The following DIRAS2 variants were observed in gnomAD, a reference collection of about 807,000 sequenced individuals.
DIRAS2 encodes the protein GTP-binding protein Di-Ras2.
A neutral mutation model predicts 13.9 loss-of-function variants in DIRAS2; 5 were observed. That is an observed-to-expected ratio of 0.36 (90% CI 0.19 to 0.76). The LOEUF is 0.76. Ranked by LOEUF, DIRAS2 falls within the 30% of genes least tolerant of loss-of-function variation. The probability of loss-of-function intolerance (pLI) is 0.53; values close to 1 mark genes in which losing one functional copy is unlikely to be tolerated. For missense variants in DIRAS2, 191 were observed against 263.0 expected (o/e 0.73, Z 1.89); for synonymous variants, 111 against 105.4 (o/e 1.05, Z -0.33).
rs147331724 is a variant in DIRAS2 at position 90,620,734 on chromosome 9, G to T, written c.-36-6871C>A. ...AGCCTCTCTGACAGAGTGAGACTCC[G>T]CTGTCTCAAAAAAAAAAAGAAAGGA... On this transcript the variant is annotated intron_variant, in intron 1 of 1. Transcript: ENST00000375765. 3.3e-5 allele frequency among the ~76,000 whole-genome samples: 5 copies of T among 149,930 alleles called. No individual in the cohort carries two copies. The East Asian group carries it at 9.8e-4, about 29-fold the overall frequency.
intron 1 of DIRAS2, among the ~76,000 whole-genome samples, chr9:90,632,584 T>TA (rs1186313249): frequency 2.6e-5 from 4 of 152,220 alleles, no homozygotes; most frequent in Admixed American, 1.3e-4. Flanking sequence ...TTTCCTTTTT[T>TA]AAAAAATTTG....
chr9:90,638,992 G>A (rs1312270659), intron 1 of DIRAS2, among the ~76,000 whole-genome samples: 5 of 152,154 alleles, frequency 3.3e-5, no homozygotes, highest in African/African-American at 9.7e-5. Flanking sequence ...GAGGAAGGGC[G>A]TGTGTGTGTT....
chr9:90,615,045 A>G (rs1825156428), intron 1 of DIRAS2, among the ~76,000 whole-genome samples: 1 of 152,262 alleles, frequency 6.6e-6, no homozygotes, highest in Non-Finnish European at 1.5e-5. Flanking sequence ...GAAGCATGGA[A>G]TTCATTCTTC....
intron 1 of DIRAS2, among the ~76,000 whole-genome samples, chr9:90,641,539 C>T (rs1278687009): frequency 2.0e-5 from 3 of 152,046 alleles, no homozygotes; most frequent in Non-Finnish European, 4.4e-5. Context: ...CCTGCATTTC[C>T]AGAGATAGAT....
Position 90,610,648 on chromosome 9 carries a change from G to A in DIRAS2, c.*2580C>T, listed in dbSNP as rs975561546. The A allele has an allele frequency of 1.3e-5, 5 of 379,624 alleles. No homozygotes were observed. The highest frequency in any genetic ancestry group is 2.3e-5 in the Non-Finnish European group (5 of 215,598). 23.5% of individuals were successfully genotyped at this position (379,624 alleles called of 1,614,324 possible). A position where few individuals can be genotyped will look rare whatever the true frequency, so the allele number is the denominator to read the frequency against. On this transcript the variant is annotated 3_prime_UTR_variant, in exon 2 of 2. Coordinates refer to ENST00000375765, the MANE Select transcript of DIRAS2 (RefSeq NM_017594.5). ...ATGCTTTAAAAAAATCTAATTCTGT[G>A]ATACTAACTCCTCAAACTCTGAGTC...
chr9:90,622,049 C>T (rs1478563470), intron 1 of DIRAS2, among the ~76,000 whole-genome samples: 2 of 151,960 alleles, frequency 1.3e-5, no homozygotes, highest in African/African-American at 2.4e-5. Context: ...GTCAGGAGTT[C>T]GAGATCAGCC....
In DIRAS2 at chr9:90,610,157, A is replaced by T. The variant is rs2118526546; in HGVS notation, c.*3071T>A. ...ACTTATGTAGAAGCAACACATTACA[A>T]ATTTTGGGGAAAAAAATTAAGTATC... On this transcript the variant is annotated 3_prime_UTR_variant, in exon 2 of 2. Coordinates refer to ENST00000375765, the MANE Select transcript of DIRAS2 (RefSeq NM_017594.5). 1 of 326,826 alleles carries T rather than the reference A, an allele frequency of 3.1e-6. No individual in the cohort carries two copies. The highest frequency in any genetic ancestry group is 2.1e-5 in the African/African-American group (1 of 47,266). 20.2% of individuals were successfully genotyped at this position (326,826 alleles called of 1,614,324 possible). A position where few individuals can be genotyped will look rare whatever the true frequency, so the allele number is the denominator to read the frequency against.
intron 1 of DIRAS2, among the ~76,000 whole-genome samples, chr9:90,622,581 T>C (rs1046878375): frequency 6.6e-6 from 1 of 152,136 alleles, no homozygotes; most frequent in Non-Finnish European, 1.5e-5. Context: ...GGTATTAAAA[T>C]TTCTGAATTC....
chr9:90,613,027 C>T lies in DIRAS2; in HGVS notation c.*201G>A. On this transcript the variant is annotated 3_prime_UTR_variant, in exon 2 of 2. Coordinates refer to ENST00000375765, the MANE Select transcript of DIRAS2 (RefSeq NM_017594.5). The surrounding 1 kb of genome is among the most constrained non-coding windows in gnomAD (Gnocchi z 5.6). The stretch of plus-strand genomic sequence containing the variant: ...AGTGTGTTGGTTTTCACTTGAACCG[C>T]CTGGCAGATTCTGTGACTCCAGAGT... The T allele has an allele frequency of 1.5e-6, 1 of 687,054 alleles. No homozygotes were observed. The highest frequency in any genetic ancestry group is 2.3e-6 in the Non-Finnish European group (1 of 425,672). 42.6% of individuals were successfully genotyped at this position (687,054 alleles called of 1,614,324 possible).
Position 90,613,458 on chromosome 9 carries a change from C to G in DIRAS2, c.370G>C (p.Asp124His). The G allele has an allele frequency of 1.9e-6, 3 of 1,614,112 alleles. No individual in the cohort carries two copies. Among genetic ancestry groups the G allele is most frequent in the Non-Finnish European group, 2.5e-6 (3 of 1,180,028 alleles). Reference protein sequence around the residue: ...IPIMLVGNKCDESPSREVQSS... With the variant: ...IPIMLVGNKCHESPSREVQSS... ...TGCACCTCGCGGCTGGGGCTCTCAT[C>G]ACACTTGTTCCCCACCAGCATGATG... The change falls in exon 2 of 2, where the codon GAT (aspartate) becomes CAT (histidine). Residue 124 changes from aspartate (D) to histidine (H), a missense_variant. Asp to His is a moderately conservative substitution (Grantham distance 81). Transcript: ENST00000375765. The surrounding 1 kb of genome is among the most constrained non-coding windows in gnomAD (Gnocchi z 5.6).
chr9:90,641,705 A>G (rs1466381), intron 1 of DIRAS2, among the ~76,000 whole-genome samples: 120,544 of 152,070 alleles, frequency 0.79, 48,308 homozygotes, highest in African/African-American at 0.89. Flanking sequence ...GAAATGGAGC[A>G]CATTGTGACT....
At chr9:90,636,933 T>C (rs1825377177) in intron 1 of DIRAS2, among the ~76,000 whole-genome samples, 1 of 152,224 alleles carries the variant, frequency 6.6e-6, no homozygotes, top group African/African-American at 2.4e-5. Flanking sequence ...CTTGCCTACC[T>C]TAAACGTGCA....
rs368735425 is a variant in DIRAS2, at chr9:90,613,573, C to T, written c.255G>A (p.Val85=). ...AGGACTGTCGGCTGGTAATGGAGTA[C>T]ACCAGGATGAAGGCGTGCCCTTTGG... ...SISKGHAFIL[V]YSITSRQSLE... is the part of the protein sequence containing the mutation. Residue 85 remains valine, a synonymous_variant, in exon 2 of 2, where the codon GTG becomes GTA. Transcript: ENST00000375765. The surrounding 1 kb of genome is among the most constrained non-coding windows in gnomAD (Gnocchi z 5.6). 3.1e-6 allele frequency: 5 copies of T among 1,614,040 alleles called. No individual in the cohort carries two copies. The highest frequency in any genetic ancestry group is 1.7e-5 in the Admixed American group (1 of 59,994).
intron 1 of DIRAS2, among the ~76,000 whole-genome samples, chr9:90,626,796 G>T (rs1825273853): frequency 6.6e-6 from 1 of 152,150 alleles, no homozygotes; most frequent in South Asian, 2.1e-4. Context: ...GTAGATATTT[G>T]TGTGCCCGTG....
intron 1 of DIRAS2, among the ~76,000 whole-genome samples, chr9:90,618,232 A>G (rs982932630): frequency 7.4e-4 from 112 of 152,362 alleles, no homozygotes; most frequent in African/African-American, 2.4e-3. Flanking sequence ...AGATACATGA[A>G]CAGAATAGAA....
chr9:90,629,631 A>T (rs1238394477), intron 1 of DIRAS2, among the ~76,000 whole-genome samples: 2 of 152,184 alleles, frequency 1.3e-5, no homozygotes. Context: ...AAACTTTGTG[A>T]CACTCAAGTC....
In DIRAS2 at chr9:90,610,345, A is replaced by G. The variant is rs1825098774; in HGVS notation, c.*2883T>C. On this transcript the variant is annotated 3_prime_UTR_variant, in exon 2 of 2. Transcript: ENST00000375765. Reference sequence around the variant, plus strand: ...AAGATAAATTATATATTTTATATACATGTAATTTTAGATAGAATGAACAAT... The same window carrying G: ...AAGATAAATTATATATTTTATATACGTGTAATTTTAGATAGAATGAACAAT... 2 of 398,824 alleles carry G rather than the reference A, an allele frequency of 5.0e-6. No individual in the cohort carries two copies. Among genetic ancestry groups the G allele is most frequent in the Non-Finnish European group, 8.8e-6 (2 of 226,032 alleles). The allele number at this position is 398,824 out of a possible 1,614,324, so 24.7% of individuals were successfully genotyped here.
At chr9:90,622,591 C>T (rs1252515553) in intron 1 of DIRAS2, among the ~76,000 whole-genome samples, 1 of 151,950 alleles carries the variant, frequency 6.6e-6, no homozygotes. Context: ...TTTCTGAATT[C>T]ATGGCCTCTC....
At chr9:90,627,451 A>G (rs1825280432) in intron 1 of DIRAS2, among the ~76,000 whole-genome samples, 1 of 152,232 alleles carries the variant, frequency 6.6e-6, no homozygotes, top group South Asian at 2.1e-4. Context: ...GTATGAATTC[A>G]CTTATAGCGG....
Sources: gnomAD v4.1 joint callset for allele counts (sites outside exome capture counted in the v4.1 genomes callset) on GRCh38, gnomAD v4.1.1 for gene constraint, Gnocchi (gnomAD v3.1) non-coding constraint, MANE v1.5 for transcripts, NCBI Gene and HGNC (gene_info 2026-07-23, HGNC 2026-07-21) for gene names.